The following TOPAZ1 variants were observed in gnomAD, a reference collection of about 807,000 sequenced individuals.
TOPAZ1 encodes protein TOPAZ1.
In TOPAZ1, 66 loss-of-function variants were observed where a neutral mutation model predicts 172.2. The observed-to-expected ratio is 0.38, with a 90% CI of 0.31 to 0.47. The LOEUF (loss-of-function observed/expected upper bound fraction) is 0.47, where lower values mean the gene tolerates loss of function less well. Among genes scored for constraint, TOPAZ1 ranks in the 20% least tolerant of loss-of-function variants. The pLI is 0.99. For missense variants in TOPAZ1, 1,822 were observed against 1,972.4 expected (o/e 0.92, Z 1.44); for synonymous variants, 681 against 683.9 (o/e 1.00, Z 0.07).
Position 44,323,128 on chromosome 3 carries a change from A to G in TOPAZ1, c.4508A>G (p.Asn1503Ser), listed in dbSNP as rs1486297210. ...VEVSQYSLLF[N>S]KLLGSCIESS... Reference sequence around the variant, plus strand: ...GTCTCACAATATAGCCTTCTTTTTAATAAGCTTCTAGGTTCCTGTATAGAA... The same window carrying G: ...GTCTCACAATATAGCCTTCTTTTTAGTAAGCTTCTAGGTTCCTGTATAGAA... The change falls in exon 18 of 20, where the codon AAT becomes AGT. Residue 1503 changes from asparagine (N) to serine (S), a missense_variant. Asn to Ser is a conservative substitution (Grantham distance 46). This residue lies in a region of TOPAZ1 where 333 missense variants were observed against 481.7 expected (regional missense o/e 0.69). Transcript: ENST00000309765. The G allele has an allele frequency of 1.3e-6, 2 of 1,543,830 alleles. No individual in the cohort carries two copies. Among genetic ancestry groups the G allele is most frequent in the Non-Finnish European group, 1.7e-6 (2 of 1,143,500 alleles).
rs1218410395 is a variant in TOPAZ1, at chr3:44,331,905, A to G, written c.4973A>G (p.Asn1658Ser). 6.4e-6 allele frequency: 10 copies of G among 1,551,776 alleles called. No individual in the cohort carries two copies. The highest frequency in any genetic ancestry group is 1.7e-4 in the Middle Eastern group (1 of 5,978). ...PKLFVKHMTV[N>S]VNKEQVYSLE... ...CTTTTCGTTAAACACATGACTGTCA[A>G]TGTTAATAAGGAACAGGTTTATAGT... Residue 1658 changes from asparagine (N) to serine (S), a missense_variant, in exon 20 of 20, where the codon AAT (asparagine) becomes AGT (serine). Coordinates refer to ENST00000309765, the MANE Select transcript of TOPAZ1 (RefSeq NM_001145030.2).
chr3:44,254,253 T>C (rs1356657050), intron 2 of TOPAZ1, among the ~76,000 whole-genome samples: 1 of 152,196 alleles, frequency 6.6e-6, no homozygotes, highest in African/African-American at 2.4e-5. Context: ...AAGTTGTCTT[T>C]AGGGACTACC....
chr3:44,316,238 C>T (rs1219226261), intron 16 of TOPAZ1, among the ~76,000 whole-genome samples: 1 of 151,756 alleles, frequency 6.6e-6, no homozygotes, highest in African/African-American at 2.4e-5. Context: ...ACAGTGAGAC[C>T]CTGTCTCAAA....
chr3:44,299,405 C>T (rs1213296542), intron 12 of TOPAZ1, among the ~76,000 whole-genome samples: 2 of 151,954 alleles, frequency 1.3e-5, no homozygotes, highest in African/African-American at 2.4e-5. Context: ...CAATGAGATA[C>T]CATCTCACAC....
chr3:44,244,398 A>T lies in TOPAZ1; in HGVS notation c.1892A>T (p.Lys631Ile). 1.9e-6 allele frequency: 3 copies of T among 1,551,172 alleles called. No homozygotes were observed. Among genetic ancestry groups the T allele is most frequent in the Non-Finnish European group, 2.6e-6 (3 of 1,146,854 alleles). The change falls in exon 2 of 20, where the codon AAA becomes ATA. Residue 631 changes from lysine to isoleucine, a missense_variant. Around this residue, in one of 2 missense-constraint regions of TOPAZ1, gnomAD observed 1,489 missense variants for 1,490.8 expected, o/e 1.00. Coordinates refer to ENST00000309765, the MANE Select transcript of TOPAZ1 (RefSeq NM_001145030.2). The stretch of plus-strand genomic sequence containing the variant: ...CAAAGCTTAACGGGAAATAAAAAAA[A>T]AGCTAGAGGAAATTTAACGAAACTT... ...ETQSLTGNKK[K>I]ARGNLTKLNL...
At chr3:44,266,315 T>C (rs1699829846) in intron 5 of TOPAZ1, among the ~76,000 whole-genome samples, 1 of 152,362 alleles carries the variant, frequency 6.6e-6, no homozygotes, top group East Asian at 1.9e-4. Context: ...TTCATTCGTA[T>C]GTTCACTGGA....
intron 19 of TOPAZ1, among the ~76,000 whole-genome samples, chr3:44,331,421 G>A (rs11929652): frequency 0.011 from 1,722 of 152,160 alleles, 30 homozygotes; most frequent in African/African-American, 0.037. Context: ...AACTTCCTGG[G>A]CTCAAGGCCT....
chr3:44,311,471 C>G (rs1700397127), intron 16 of TOPAZ1, among the ~76,000 whole-genome samples: 1 of 152,154 alleles, frequency 6.6e-6, no homozygotes, highest in Non-Finnish European at 1.5e-5. Context: ...TGTGGCAAAA[C>G]CAGTCTTTCT....
intron 2 of TOPAZ1, 101 bp downstream of exon 2, chr3:44,245,372 AT>A: frequency 8.2e-7 from 1 of 1,212,474 alleles, no homozygotes; most frequent in Non-Finnish European, 1.1e-6. Context: ...AAGCTCCATT[AT>A]TTTTTAACCC....
intron 3 of TOPAZ1, among the ~76,000 whole-genome samples, chr3:44,255,880 A>G (rs568466745): frequency 1.4e-4 from 21 of 151,160 alleles, no homozygotes; most frequent in Admixed American, 7.3e-4. Context: ...AGTATATTTT[A>G]TAAGTATATT....
chr3:44,253,477 C>G (rs1373305518), intron 2 of TOPAZ1, among the ~76,000 whole-genome samples: 1 of 152,022 alleles, frequency 6.6e-6, no homozygotes, highest in African/African-American at 2.4e-5. Flanking sequence ...GGGGGTGAGG[C>G]AGAGGGAGGT....
At position 44,243,547 on chromosome 3, in the gene TOPAZ1, G is replaced by T; in HGVS notation, c.1041G>T (p.Met347Ile). 6.4e-7 allele frequency: 1 copy of T among 1,551,368 alleles called. No homozygotes were observed. The highest frequency in any genetic ancestry group is 8.7e-7 in the Non-Finnish European group (1 of 1,146,956). ...AAGCAGATGAAACAGTTACTGAGATGAACTTCTCTAATGAGTATAACAAGT... is the reference window on the plus strand; with the variant it reads ...AAGCAGATGAAACAGTTACTGAGATTAACTTCTCTAATGAGTATAACAAGT... The part of the protein sequence containing the change: ...SEKADETVTE[M>I]NFSNEYNKSE... Residue 347 changes from methionine to isoleucine, a missense_variant, in exon 2 of 20, where the codon ATG becomes ATT. Coordinates refer to ENST00000309765, the MANE Select transcript of TOPAZ1 (RefSeq NM_001145030.2).
intron 9 of TOPAZ1, among the ~76,000 whole-genome samples, chr3:44,285,310 T>A (rs2125692189): frequency 6.6e-6 from 1 of 151,592 alleles, no homozygotes; most frequent in Non-Finnish European, 1.5e-5. Flanking sequence ...AAAATAAATT[T>A]AAAAAATTAG....
rs1553645450 is a variant in TOPAZ1, at chr3:44,255,662, A to ATAT, written c.2828-489_2828-488insTAT. 1.1e-3 allele frequency among the ~76,000 whole-genome samples: 89 copies of ATAT among 80,008 alleles called. 1 individual carries two copies. Among genetic ancestry groups the ATAT allele is most frequent in the African/African-American group, 4.5e-3 (79 of 17,364 alleles). 52.5% of individuals were successfully genotyped at this position (80,008 alleles called of 152,430 possible). The stretch of plus-strand genomic sequence containing the variant: ...GCGAGACTCTGTCTCAAAAAAAAAA[A>ATAT]ATATATATACACACACACACACACA... On this transcript the variant is annotated intron_variant, in intron 3 of 19. Coordinates refer to ENST00000309765, the MANE Select transcript of TOPAZ1 (RefSeq NM_001145030.2).
chr3:44,267,584 C>T (rs11716861), intron 6 of TOPAZ1, among the ~76,000 whole-genome samples: 51,869 of 151,862 alleles, frequency 0.34, 9,545 homozygotes, highest in African/African-American at 0.43. Flanking sequence ...TGTAAGCTAC[C>T]GCGCCCAGCC....
At chr3:44,269,631 T>A (rs1699873597) in intron 7 of TOPAZ1, among the ~76,000 whole-genome samples, 1 of 151,510 alleles carries the variant, frequency 6.6e-6, no homozygotes, top group South Asian at 2.1e-4. Context: ...TCCCTATCCT[T>A]TTTTTTGAGA....
downstream of TOPAZ1, among the ~76,000 whole-genome samples, chr3:44,334,357 T>C (rs1700701940): frequency 6.6e-6 from 1 of 152,158 alleles, no homozygotes; most frequent in Admixed American, 6.6e-5. Context: ...GGGTGTCAGG[T>C]CTGTCTGGCT....
At chr3:44,254,828 C>A in intron 2 of TOPAZ1, 140 bp from the exon 3 acceptor site, 1 of 513,126 alleles carries the variant, frequency 1.9e-6, no homozygotes, top group Non-Finnish European at 3.4e-6. Context: ...TTCTGTGTCT[C>A]ATTATAGTAA....
chr3:44,307,310 C>T (rs1700347163), intron 15 of TOPAZ1, among the ~76,000 whole-genome samples: 1 of 152,088 alleles, frequency 6.6e-6, no homozygotes, highest in South Asian at 2.1e-4. Flanking sequence ...GTGTGAGCCA[C>T]CATACCCAGC....
Sources: gnomAD v4.1 joint callset for allele counts (sites outside exome capture counted in the v4.1 genomes callset) on GRCh38, gnomAD v4.1.1 for gene constraint, gnomAD v4.1.1 regional missense constraint, MANE v1.5 for transcripts, NCBI Gene and HGNC (gene_info 2026-07-23, HGNC 2026-07-21) for gene names.